The following ADAMTS5 variants were observed in gnomAD, a reference collection of about 807,000 sequenced individuals.
The protein encoded by ADAMTS5 is ADAM metallopeptidase with thrombospondin type 1 motif 5.
ADAMTS5 carries 54 observed loss-of-function variants against 81.4 expected under a neutral mutation model. The ratio of observed to expected loss-of-function variants is 0.66; its 90% CI spans 0.53 to 0.83. The LOEUF (loss-of-function observed/expected upper bound fraction) is 0.83, where lower values mean the gene tolerates loss of function less well. ADAMTS5 is among the 40% of genes least tolerant of loss of function. ADAMTS5 has a pLI of 0.00. For synonymous variants in ADAMTS5, 532 were observed against 508.8 expected (o/e 1.05, Z -0.61); for missense variants, 1,194 against 1,229.9 (o/e 0.97, Z 0.44).
intron 6 of ADAMTS5, among the ~76,000 whole-genome samples, chr21:26,931,742 GACAGTGAGTTACACCTTTT>G (rs1268077953): frequency 2.0e-5 from 3 of 152,184 alleles, no homozygotes; most frequent in East Asian, 1.9e-4. Flanking sequence ...TGCCTTCCTT[GACAGTGAGTTACACCTTTT>G]ACAGTGAGTT....
Position 26,924,200 on chromosome 21 carries a change from G to A in ADAMTS5, c.2646C>T (p.Gly882=). 6.2e-7 allele frequency: 1 copy of A among 1,614,202 alleles called. No individual in the cohort carries two copies. Among genetic ancestry groups the A allele is most frequent in the South Asian group, 1.1e-5 (1 of 91,088 alleles). Reference sequence around the variant, plus strand: ...AGGTCCTAGAGCAGGCGAGCCATGGGCCCGTGACCCACTGCGGCTGCGAAG... The same window carrying A: ...AGGTCCTAGAGCAGGCGAGCCATGGACCCGTGACCCACTGCGGCTGCGAAG... The part of the protein sequence containing the change: ...SHTSQPQWVT[G]PWLACSRTCD... Residue 882 remains glycine (G), a synonymous_variant, in exon 8 of 8, where the codon GGC becomes GGT. Transcript: ENST00000284987.
At chr21:26,928,117 A>G (rs895042095) in intron 7 of ADAMTS5, among the ~76,000 whole-genome samples, 2 of 152,128 alleles carry the variant, frequency 1.3e-5, no homozygotes, top group African/African-American at 2.4e-5. Context: ...AGTTTTATTA[A>G]CCATATGATA....
rs1289759623 is a variant in ADAMTS5, at chr21:26,966,406, G to C, written c.-15C>G. 3 of 1,425,510 alleles carry C rather than the reference G, an allele frequency of 2.1e-6. No homozygotes were observed. Among genetic ancestry groups the C allele is most frequent in the African/African-American group, 1.5e-5 (1 of 66,194 alleles). The allele number at this position is 1,425,510 out of a possible 1,614,324, so 88.3% of individuals were successfully genotyped here. On this transcript the variant is annotated 5_prime_UTR_variant, in exon 1 of 8. Transcript: ENST00000284987. Reference sequence around the variant, plus strand: ...CCGAGCAGCATAGTGCGCTGCCCGCGGGGAGGGGCTGCGCGACTGGGACTT... The same window carrying C: ...CCGAGCAGCATAGTGCGCTGCCCGCCGGGAGGGGCTGCGCGACTGGGACTT...
At chr21:26,937,918 A>G (rs1307987378) in intron 3 of ADAMTS5, among the ~76,000 whole-genome samples, 1 of 152,140 alleles carries the variant, frequency 6.6e-6, no homozygotes, top group Non-Finnish European at 1.5e-5. Flanking sequence ...TTGTTTTAAC[A>G]TTGTATATTT....
rs1986726453 is a variant in ADAMTS5 at position 26,922,851 on chromosome 21, T to A, written c.*1202A>T. 1 of 152,614 alleles carries A rather than the reference T, an allele frequency of 6.6e-6. No individual in the cohort carries two copies. The highest frequency in any genetic ancestry group is 1.5e-5 in the Non-Finnish European group (1 of 68,012). The allele number at this position is 152,614 out of a possible 1,614,324, so 9.5% of individuals were successfully genotyped here. ...TATTGCCTATGGTGTGGAAACAGTC[T>A]TATTAATATTAACCACTTTTTGGCA... On this transcript the variant is annotated 3_prime_UTR_variant, in exon 8 of 8. Coordinates refer to ENST00000284987, the MANE Select transcript of ADAMTS5 (RefSeq NM_007038.5).
chr21:26,954,971 T>C, intron 1 of ADAMTS5, 100 bp from the exon 2 acceptor site: 1 of 1,411,570 alleles, frequency 7.1e-7, no homozygotes, highest in Non-Finnish European at 9.6e-7. Context: ...CAGGGATATG[T>C]TTATGGTATC....
chr21:26,944,798 G>A (rs994516081), intron 2 of ADAMTS5, among the ~76,000 whole-genome samples: 2 of 152,012 alleles, frequency 1.3e-5, no homozygotes, highest in Admixed American at 6.6e-5. Context: ...TTTATATTCC[G>A]ACTACTTTGG....
At chr21:26,932,648 C>A (rs1246138653) in intron 5 of ADAMTS5, among the ~76,000 whole-genome samples, 1 of 151,948 alleles carries the variant, frequency 6.6e-6, no homozygotes, top group Non-Finnish European at 1.5e-5. Flanking sequence ...TTGCAGTGAG[C>A]CAAGATTGTG....
chr21:26,920,898 G>A lies in ADAMTS5; in HGVS notation c.*3155C>T, dbSNP rs1986680851. ...TAGTATCAGAATAAGAATACATGAG[G>A]AATATATACATATACACCTGCTTCA... is the stretch of plus-strand genomic sequence containing the variant. On this transcript the variant is annotated 3_prime_UTR_variant, in exon 8 of 8. Coordinates refer to ENST00000284987, the MANE Select transcript of ADAMTS5 (RefSeq NM_007038.5). The A allele has an allele frequency of 6.6e-6, 1 of 152,202 alleles. No homozygotes were observed. Among genetic ancestry groups the A allele is most frequent in the African/African-American group, 2.4e-5 (1 of 41,354 alleles). The allele number at this position is 152,202 out of a possible 1,614,324, so 9.4% of individuals were successfully genotyped here.
rs1332746855 is a variant in ADAMTS5 at position 26,929,951 on chromosome 21, C to G, written c.2160G>C (p.Lys720Asn). Residue 720 changes from lysine to asparagine, a missense_variant, in exon 7 of 8, where the codon AAG becomes AAC. Physicochemically the swap from Lys to Asn is moderately conservative, Grantham distance 94. Around this residue, in one of 2 missense-constraint regions of ADAMTS5, gnomAD observed 696 missense variants for 817.6 expected, o/e 0.85. Transcript: ENST00000284987. Reference sequence around the variant, plus strand: ...AGTTGTCTCCTCCACATACTCCGCACTTGTCATACTGCAGCTTTGAGCCAA... The same window carrying G: ...AGTTGTCTCCTCCACATACTCCGCAGTTGTCATACTGCAGCTTTGAGCCAA... ...GIIGSKLQYD[K>N]CGVCGGDNSS... The G allele has an allele frequency of 3.1e-6, 5 of 1,614,184 alleles. No individual in the cohort carries two copies. In the African/African-American group the frequency reaches 6.7e-5, roughly 22 times the overall value.
rs776642068 is a variant in ADAMTS5 at position 26,934,774 on chromosome 21, A to G, written c.1406-25T>C. 6 of 1,609,380 alleles carry G rather than the reference A, an allele frequency of 3.7e-6. No homozygotes were observed. The South Asian group carries it at 5.5e-5, about 15-fold the overall frequency. On this transcript the variant is annotated intron_variant, in intron 3 of 7. Transcript: ENST00000284987. ...CCTACAAGAATAACTGAGATTGACC[A>G]CGGCTCTGTGTTTAGGTTTCAAACC...
chr21:26,924,093 C>T lies in ADAMTS5; in HGVS notation c.2753G>A (p.Arg918Lys). 6.2e-7 allele frequency: 1 copy of T among 1,609,920 alleles called. No homozygotes were observed. The highest frequency in any genetic ancestry group is 8.5e-7 in the Non-Finnish European group (1 of 1,176,508). ...CAAGCATTGCTTAAACGCAGAAGGC[C>T]TTTGGGAGAGAGGACATCCTTTTGC... The part of the protein sequence containing the change: ...KLAKGCPLSQ[R>K]PSAFKQCLLK... The change falls in exon 8 of 8, where the codon AGG becomes AAG. Residue 918 changes from arginine to lysine, a missense_variant. Arg to Lys is a conservative substitution (Grantham distance 26). Transcript: ENST00000284987.
At chr21:26,957,402 T>C (rs1366618977) in intron 1 of ADAMTS5, among the ~76,000 whole-genome samples, 1 of 151,768 alleles carries the variant, frequency 6.6e-6, no homozygotes, top group Admixed American at 6.6e-5. Flanking sequence ...CACACATATA[T>C]GTGATACACG....
intron 7 of ADAMTS5, among the ~76,000 whole-genome samples, chr21:26,926,081 G>A (rs546745319): frequency 1.3e-5 from 2 of 152,310 alleles, no homozygotes; most frequent in African/African-American, 2.4e-5. Context: ...AGCAGCCTGG[G>A]AAATACAGGG....
chr21:26,923,865 C>T lies in ADAMTS5; in HGVS notation c.*188G>A. 1 of 577,446 alleles carries T rather than the reference C, an allele frequency of 1.7e-6. No homozygotes were observed. The highest frequency in any genetic ancestry group is 2.9e-6 in the Non-Finnish European group (1 of 340,402). 35.8% of individuals were successfully genotyped at this position (577,446 alleles called of 1,614,324 possible). A position where few individuals can be genotyped will look rare whatever the true frequency, so the allele number is the denominator to read the frequency against. ...CAAGTTTTTCTATATTGCAAGGTCA[C>T]CACTGTCACGTGAAGCAGTGCACAT... On this transcript the variant is annotated 3_prime_UTR_variant, in exon 8 of 8. Transcript: ENST00000284987.
Position 26,918,141 on chromosome 21 carries a change from A to G in ADAMTS5, c.*5912T>C, listed in dbSNP as rs1426758214. 6.6e-6 allele frequency: 1 copy of G among 152,440 alleles called. No individual in the cohort carries two copies. The highest frequency in any genetic ancestry group is 1.5e-5 in the Non-Finnish European group (1 of 67,928). The allele number at this position is 152,440 out of a possible 1,614,324, so 9.4% of individuals were successfully genotyped here. A position where few individuals can be genotyped will look rare whatever the true frequency, so the allele number is the denominator to read the frequency against. ...TACAAGACACAGTAATGCTTTAAAT[A>G]GTTGATTAAGATTTGAAGGTTGCCA... On this transcript the variant is annotated 3_prime_UTR_variant, in exon 8 of 8. Coordinates refer to ENST00000284987, the MANE Select transcript of ADAMTS5 (RefSeq NM_007038.5).
intron 1 of ADAMTS5, among the ~76,000 whole-genome samples, 168 bp from the exon 2 acceptor site, chr21:26,955,039 C>A (rs1276576565): frequency 6.6e-6 from 1 of 152,152 alleles, no homozygotes; most frequent in Non-Finnish European, 1.5e-5. Flanking sequence ...CTCTTCTGAA[C>A]TGCTCTGGGG....
chr21:26,961,591 T>C (rs1013746154), intron 1 of ADAMTS5, among the ~76,000 whole-genome samples: 1 of 152,218 alleles, frequency 6.6e-6, no homozygotes, highest in Admixed American at 6.5e-5. Context: ...GTCTCACACA[T>C]AGGAGGTGCA....
chr21:26,960,526 G>A (rs1334107864), intron 1 of ADAMTS5, among the ~76,000 whole-genome samples: 1 of 152,174 alleles, frequency 6.6e-6, no homozygotes, highest in Non-Finnish European at 1.5e-5. Flanking sequence ...ACCCAAGAGT[G>A]TTCACTCTGT....
Sources: gnomAD v4.1 joint callset for allele counts (sites outside exome capture counted in the v4.1 genomes callset) on GRCh38, gnomAD v4.1.1 for gene constraint, gnomAD v4.1.1 regional missense constraint, MANE v1.5 for transcripts, NCBI Gene and HGNC (gene_info 2026-07-23, HGNC 2026-07-21) for gene names.